APLF: variants seen among roughly 807,000 people sequenced by gnomAD.
APLF encodes the protein aprataxin and PNKP like factor, also known as aprataxin and PNK-like factor.
APLF carries 61 observed loss-of-function variants against 55.6 expected under a neutral mutation model. The observed-to-expected ratio is 1.10, with a 90% CI of 0.89 to 1.36. APLF has a LOEUF of 1.36. Among genes scored for constraint, APLF ranks in the 40% most tolerant of loss-of-function variants. The probability of loss-of-function intolerance (pLI) is 0.00; values close to 1 mark genes in which losing one functional copy is unlikely to be tolerated. For synonymous variants in APLF, 207 were observed against 214.8 expected (o/e 0.96, Z 0.32); for missense variants, 611 against 602.5 (o/e 1.01, Z -0.15).
chr2:68,570,743 G>A (rs562836093), intron 9 of APLF, among the ~76,000 whole-genome samples: 9 of 152,162 alleles, frequency 5.9e-5, no homozygotes, highest in South Asian at 2.1e-4. Context: ...GAGTAGTGCC[G>A]CAGTAAACAT....
At chr2:68,468,215 T>G (rs1043057051) in intron 1 of APLF, among the ~76,000 whole-genome samples, 1 of 152,238 alleles carries the variant, frequency 6.6e-6, no homozygotes, top group African/African-American at 2.4e-5. Flanking sequence ...TTGCGGCTTG[T>G]CTTGTAAAGC....
intron 1 of APLF, among the ~76,000 whole-genome samples, chr2:68,481,430 G>A (rs1363445957): frequency 6.6e-6 from 1 of 151,982 alleles, no homozygotes; most frequent in African/African-American, 2.4e-5. Context: ...AACATATCAT[G>A]CCATTTTCTC....
At chr2:68,480,075 A>G (rs571738837) in intron 1 of APLF, among the ~76,000 whole-genome samples, 1 of 152,320 alleles carries the variant, frequency 6.6e-6, no homozygotes, top group African/African-American at 2.4e-5. Context: ...AATTGATTAA[A>G]GCTTCCAGTC....
intron 9 of APLF, among the ~76,000 whole-genome samples, chr2:68,570,800 G>A (rs1418736377): frequency 6.6e-6 from 1 of 151,964 alleles, no homozygotes; most frequent in East Asian, 1.9e-4. Context: ...TATTCCTTTG[G>A]GTATATACCC....
intron 1 of APLF, among the ~76,000 whole-genome samples, chr2:68,483,597 C>G (rs556220027): frequency 6.6e-6 from 1 of 152,156 alleles, no homozygotes; most frequent in East Asian, 1.9e-4. Flanking sequence ...TTTATTCATA[C>G]AAGATAATTT....
chr2:68,537,117 A>G (rs959427299), intron 6 of APLF, among the ~76,000 whole-genome samples: 4 of 151,562 alleles, frequency 2.6e-5, no homozygotes, highest in African/African-American at 7.3e-5. Flanking sequence ...GTGAGCAGAT[A>G]TCGTGCCACC....
chr2:68,469,933 A>T (rs1675566180), intron 1 of APLF, among the ~76,000 whole-genome samples: 1 of 152,216 alleles, frequency 6.6e-6, no homozygotes, highest in Non-Finnish European at 1.5e-5. Context: ...TTATAATCTG[A>T]CTGTGTAAAA....
In APLF at chr2:68,475,662, C is replaced by T. The variant is rs1466963947; in HGVS notation, c.96+7835C>T. 2.0e-5 allele frequency among the ~76,000 whole-genome samples: 3 copies of T among 152,244 alleles called. No homozygotes were observed. The East Asian group carries it at 5.8e-4, about 29-fold the overall frequency. On this transcript the variant is annotated intron_variant, in intron 1 of 9. Coordinates refer to ENST00000303795, the MANE Select transcript of APLF (RefSeq NM_173545.3). ...TTAACATCAGAAGTTGGACTTTGTA[C>T]ATTCCAAATACGATAATGTCAAACA...
At chr2:68,574,408 C>A (rs1178583194) in intron 9 of APLF, among the ~76,000 whole-genome samples, 1 of 152,062 alleles carries the variant, frequency 6.6e-6, no homozygotes, top group East Asian at 1.9e-4. Flanking sequence ...CATTTATAAC[C>A]CTGTTATGAA....
chr2:68,567,816 A>C (rs1671348402), intron 9 of APLF, among the ~76,000 whole-genome samples: 1 of 152,050 alleles, frequency 6.6e-6, no homozygotes, highest in South Asian at 2.1e-4. Flanking sequence ...TTATCATCCT[A>C]AGGCTGGCTC....
Position 68,513,751 on chromosome 2 carries a change from A to T in APLF, c.622+71A>T, listed in dbSNP as rs878953038. 18 of 1,535,528 alleles carry T rather than the reference A, an allele frequency of 1.2e-5. 1 individual carries two copies. In the South Asian group the frequency reaches 2.0e-4, roughly 17 times the overall value. On this transcript the variant is annotated intron_variant, in intron 5 of 9. Transcript: ENST00000303795. ...ACAGAATTTGAAAGCTTTTCTGAAG[A>T]AAAACTATAAACTAGTTCTATAGAG...
intron 2 of APLF, among the ~76,000 whole-genome samples, chr2:68,495,678 G>A (rs1006267808): frequency 1.1e-4 from 17 of 152,262 alleles, no homozygotes; most frequent in African/African-American, 4.1e-4. Context: ...CACTGCCCTA[G>A]TAGAAGTTCT....
intron 1 of APLF, among the ~76,000 whole-genome samples, chr2:68,469,048 CAT>C (rs1233204355): frequency 6.6e-6 from 1 of 150,908 alleles, no homozygotes. Context: ...TGTACATGCA[CAT>C]GTGCATGTGG....
Position 68,578,113 on chromosome 2 carries a change from A to T in APLF, c.*91A>T. ...CTAAGGAGGTACTTAAGTGACAGTT[A>T]TTTTCCTTCTTTTGATAGTTAATGA... On this transcript the variant is annotated 3_prime_UTR_variant, in exon 10 of 10. Transcript: ENST00000303795. 2.7e-6 allele frequency: 4 copies of T among 1,473,614 alleles called. No homozygotes were observed. In the East Asian group the frequency reaches 9.9e-5, roughly 37 times the overall value. 91.3% of individuals were successfully genotyped at this position (1,473,614 alleles called of 1,614,324 possible).
intron 5 of APLF, among the ~76,000 whole-genome samples, chr2:68,524,024 G>A (rs891431358): frequency 6.6e-6 from 1 of 151,900 alleles, no homozygotes; most frequent in South Asian, 2.1e-4. Context: ...GAGTACATGT[G>A]TATCACTTGG....
intron 5 of APLF, chr2:68,515,641 T>C: frequency 8.1e-6 from 8 of 983,580 alleles, no homozygotes; most frequent in African/African-American, 1.7e-5. Flanking sequence ...AAAATACGAA[T>C]GAGAGTAATT....
At chr2:68,560,252 ACT>A (rs1404553113) in intron 8 of APLF, among the ~76,000 whole-genome samples, 5 of 151,962 alleles carry the variant, frequency 3.3e-5, no homozygotes, top group Admixed American at 6.6e-5. Flanking sequence ...GAAAGCAGAA[ACT>A]CTCTGCTTGT....
Position 68,537,953 on chromosome 2 carries a change from C to T in APLF, c.886C>T (p.Leu296Phe), listed in dbSNP as rs1414722938. 3 of 1,613,776 alleles carry T rather than the reference C, an allele frequency of 1.9e-6. No homozygotes were observed. The East Asian group carries it at 6.7e-5, about 36-fold the overall frequency. The part of the protein sequence containing the change: ...NIKTNAQRNK[L>F]PIEELGKVSK... Reference sequence around the variant, plus strand: ...TAAGACTAATGCACAGAGAAACAAACTTCCAATAGAGGAACTTGGTAAAGT... The same window carrying T: ...TAAGACTAATGCACAGAGAAACAAATTTCCAATAGAGGAACTTGGTAAAGT... The change falls in exon 7 of 10, where the codon CTT (leucine) becomes TTT (phenylalanine). Residue 296 changes from leucine to phenylalanine, a missense_variant. Coordinates refer to ENST00000303795, the MANE Select transcript of APLF (RefSeq NM_173545.3).
chr2:68,518,943 T>G (rs1573210944), intron 5 of APLF, among the ~76,000 whole-genome samples: 1 of 124,060 alleles, frequency 8.1e-6, no homozygotes, highest in Non-Finnish European at 1.6e-5. Context: ...TAATATATTA[T>G]ATAATATTAT....
Sources: allele counts gnomAD v4.1 joint callset (sites outside exome capture counted in the v4.1 genomes callset), GRCh38; gene constraint gnomAD v4.1.1; transcripts MANE v1.5; gene names NCBI Gene and HGNC (gene_info 2026-07-23, HGNC 2026-07-21).